The following FIP1L1 variants were observed in gnomAD, a reference collection of about 807,000 sequenced individuals.
FIP1L1 encodes factor interacting with PAPOLA and CPSF1, also known as pre-mRNA 3'-end-processing factor FIP1.
A neutral mutation model predicts 84.6 loss-of-function variants in FIP1L1; 21 were observed. The observed-to-expected ratio is 0.25, with a 90% CI of 0.18 to 0.36. The LOEUF is 0.36. Ranked by LOEUF, FIP1L1 falls within the 10% of genes least tolerant of loss-of-function variation. The pLI is 1.00. For synonymous variants in FIP1L1, 263 were observed against 242.3 expected (o/e 1.09, Z -0.80); for missense variants, 526 against 751.1 (o/e 0.70, Z 3.50).
chr4:53,377,862 C>T lies in FIP1L1; in HGVS notation c.24C>T (p.Arg8=), dbSNP rs1186259200. The stretch of plus-strand genomic sequence containing the variant: ...CCATGTCGGCCGGCGAGGTCGAGCG[C>T]CTAGTGTCGGAGCTGAGCGGCGGGA... The part of the protein sequence containing the change: MSAGEVE[R]LVSELSGGTG... The change falls in exon 1 of 18, where the codon CGC becomes CGT. Residue 8 remains arginine, a synonymous_variant. Coordinates refer to ENST00000337488, the MANE Select transcript of FIP1L1 (RefSeq NM_030917.4). The T allele has an allele frequency of 5.6e-6, 9 of 1,597,620 alleles. No homozygotes were observed. Among genetic ancestry groups the T allele is most frequent in the Non-Finnish European group, 7.7e-6 (9 of 1,172,158 alleles).
At chr4:53,444,930 T>C (rs774552831) in intron 15 of FIP1L1, among the ~76,000 whole-genome samples, 4 of 152,106 alleles carry the variant, frequency 2.6e-5, no homozygotes, top group Non-Finnish European at 2.9e-5. Flanking sequence ...ATAAAAGTTA[T>C]AGGCTTATGG....
chr4:53,422,727 T>G (rs1762876781), intron 11 of FIP1L1, among the ~76,000 whole-genome samples: 1 of 151,688 alleles, frequency 6.6e-6, no homozygotes, highest in African/African-American at 2.4e-5. Context: ...TATATATTTT[T>G]TTTTTGAGAC....
At chr4:53,439,346 C>G (rs1234818298) in intron 13 of FIP1L1, among the ~76,000 whole-genome samples, 1 of 151,920 alleles carries the variant, frequency 6.6e-6, no homozygotes. Context: ...TATCTTTAGT[C>G]TTGTTGGCTT....
At chr4:53,384,564 G>T (rs1739883551) in intron 5 of FIP1L1, among the ~76,000 whole-genome samples, 1 of 152,126 alleles carries the variant, frequency 6.6e-6, no homozygotes, top group Non-Finnish European at 1.5e-5. Context: ...AATATCAAAA[G>T]TATTTCTTTT....
At position 53,377,749 on chromosome 4, in the gene FIP1L1, G is replaced by A. The variant is rs1431709238; in HGVS notation, c.-90G>A. On this transcript the variant is annotated 5_prime_UTR_variant, in exon 1 of 18. Transcript: ENST00000337488. ...TCTTCGTTCGTTCGTCGGCGGGTTC[G>A]CGCCCTTCTCGCGCCTCGGGGCTGC... 4 of 1,252,780 alleles carry A rather than the reference G, an allele frequency of 3.2e-6. No homozygotes were observed. Among genetic ancestry groups the A allele is most frequent in the Non-Finnish European group, 4.3e-6 (4 of 933,358 alleles). 77.6% of individuals were successfully genotyped at this position (1,252,780 alleles called of 1,614,324 possible).
At chr4:53,441,884 T>C (rs1404408212) in intron 13 of FIP1L1, among the ~76,000 whole-genome samples, 1 of 151,972 alleles carries the variant, frequency 6.6e-6, no homozygotes, top group Non-Finnish European at 1.5e-5. Flanking sequence ...TTGGAAGGAA[T>C]TGGTATCATA....
At chr4:53,383,704 T>C (rs774541640) in intron 4 of FIP1L1, 69 bp from the exon 5 acceptor site, 8 of 1,424,430 alleles carry the variant, frequency 5.6e-6, no homozygotes, top group Non-Finnish European at 7.5e-6. Flanking sequence ...GTTACTTTTT[T>C]TAGTTATTAG....
intron 15 of FIP1L1, among the ~76,000 whole-genome samples, chr4:53,448,256 G>T (rs149059853): frequency 6.6e-6 from 1 of 152,106 alleles, no homozygotes; most frequent in African/African-American, 2.4e-5. Context: ...AGGGATGTAC[G>T]ATTGTCGTCT....
intron 15 of FIP1L1, among the ~76,000 whole-genome samples, chr4:53,444,992 G>A (rs1425335541): frequency 1.3e-5 from 2 of 152,124 alleles, no homozygotes; most frequent in Non-Finnish European, 2.9e-5. Context: ...CATAGCAGAG[G>A]GGTCTCCTAC....
At chr4:53,396,726 C>A (rs1378048228) in intron 9 of FIP1L1, among the ~76,000 whole-genome samples, 4 of 152,158 alleles carry the variant, frequency 2.6e-5, no homozygotes, top group African/African-American at 9.6e-5. Context: ...CTTATGCTTT[C>A]TTTTACAACC....
At position 53,445,254 on chromosome 4, in the gene FIP1L1, C is replaced by G. The variant is rs192119461; in HGVS notation, c.1285+1151C>G. 7.9e-5 allele frequency among the ~76,000 whole-genome samples: 12 copies of G among 152,196 alleles called. No individual in the cohort carries two copies. The East Asian group carries it at 2.3e-3, about 29-fold the overall frequency. ...TACATTTGAAAAATCTCCATTCTGG[C>G]TAGTTACGATGAGGAAGTTTTGAAT... On this transcript the variant is annotated intron_variant, in intron 15 of 17. Transcript: ENST00000337488.
In FIP1L1 at chr4:53,391,463, G is replaced by A. The variant is rs1744213178; in HGVS notation, c.670G>A (p.Ala224Thr). 1 of 1,613,416 alleles carries A rather than the reference G, an allele frequency of 6.2e-7. No individual in the cohort carries two copies. The highest frequency in any genetic ancestry group is 2.2e-5 in the East Asian group (1 of 44,840). Reference sequence around the variant, plus strand: ...CTGTACTATGGAAGTTACACCAGGTGCAGAGATCCAAGATGGCAGATTCAA... The same window carrying A: ...CTGTACTATGGAAGTTACACCAGGTACAGAGATCCAAGATGGCAGATTCAA... ...EDCTMEVTPG[A>T]EIQDGRFNLF... is the part of the protein sequence containing the mutation. The change falls in exon 9 of 18, where the codon GCA becomes ACA. Residue 224 changes from alanine (A) to threonine (T), a missense_variant. Coordinates refer to ENST00000337488, the MANE Select transcript of FIP1L1 (RefSeq NM_030917.4).
At chr4:53,384,027 T>C in intron 5 of FIP1L1, 151 bp downstream of exon 5, 2 of 717,252 alleles carry the variant, frequency 2.8e-6, no homozygotes, top group Non-Finnish European at 4.4e-6. Flanking sequence ...ATGAATATAC[T>C]TCTTTGCTAA....
chr4:53,452,609 G>A lies in FIP1L1; in HGVS notation c.1286-311G>A, dbSNP rs1032748501. Among the ~76,000 whole-genome samples the A allele has an allele frequency of 2.6e-5, 4 of 152,192 alleles. No individual in the cohort carries two copies. In the East Asian group the frequency reaches 5.8e-4, roughly 22 times the overall value. ...GTTGGGATTACAGGCGTAAGCCATCGCGCCTGGCCTCCTCTCAACACTTTG... is the reference window on the plus strand; with the variant it reads ...GTTGGGATTACAGGCGTAAGCCATCACGCCTGGCCTCCTCTCAACACTTTG... On this transcript the variant is annotated intron_variant, in intron 15 of 17. Transcript: ENST00000337488.
chr4:53,377,959 T>G, intron 1 of FIP1L1, 36 bp downstream of exon 1: 6 of 1,517,442 alleles, frequency 4.0e-6, no homozygotes, highest in South Asian at 2.5e-5. Context: ...TCGGGTTCTC[T>G]CAGGCCTCCC....
intron 15 of FIP1L1, among the ~76,000 whole-genome samples, chr4:53,451,805 A>T (rs1716158815): frequency 6.6e-6 from 1 of 151,570 alleles, no homozygotes; most frequent in Admixed American, 6.6e-5. Context: ...TATGATTACC[A>T]TTTATTTGTT....
At position 53,441,147 on chromosome 4, in the gene FIP1L1, T is replaced by TTTTA. The variant is rs533161734; in HGVS notation, c.1175-1482_1175-1479dup. On this transcript the variant is annotated intron_variant, in intron 13 of 17. Transcript: ENST00000337488. Reference sequence around the variant, plus strand: ...CTAGGAGTTTATATGTGGCCCAGTGTTTTATTTATTTATTTATTTATTTAT... The same window carrying TTTTA: ...CTAGGAGTTTATATGTGGCCCAGTGTTTTATTTATTTATTTATTTATTTATTTAT... 4.8e-3 allele frequency among the ~76,000 whole-genome samples: 734 copies of TTTTA among 151,824 alleles called. 6 individuals are homozygous for TTTTA. The highest frequency in any genetic ancestry group is 0.012 in the African/African-American group (508 of 41,466).
intron 10 of FIP1L1, among the ~76,000 whole-genome samples, chr4:53,407,623 A>G (rs898617978): frequency 2.6e-5 from 4 of 151,948 alleles, no homozygotes; most frequent in Admixed American, 6.6e-5. Context: ...TAAGTCTCCC[A>G]TTTTTATTGT....
chr4:53,431,306 TAATTTAAATCACCTTAAG>T (rs1435229149), intron 13 of FIP1L1, among the ~76,000 whole-genome samples: 3 of 152,220 alleles, frequency 2.0e-5, no homozygotes, highest in Non-Finnish European at 4.4e-5. Context: ...TAGTTTGTTG[TAATTTAAATCACCTTAAG>T]AATCATAAGC....
Sources: allele counts gnomAD v4.1 joint callset (sites outside exome capture counted in the v4.1 genomes callset), GRCh38; gene constraint gnomAD v4.1.1; transcripts MANE v1.5; gene names NCBI Gene and HGNC (gene_info 2026-07-23, HGNC 2026-07-21).